The following MRPL46 variants were observed in gnomAD, a reference collection of about 807,000 sequenced individuals.
MRPL46 encodes mitochondrial ribosomal protein L46.
Under a neutral mutation model 31.0 loss-of-function variants are expected in MRPL46, and 26 were observed. The observed-to-expected ratio is 0.84, with a 90% CI of 0.61 to 1.16. The LOEUF is 1.16. Ranked by LOEUF, MRPL46 falls within the 50% of genes most tolerant of loss-of-function variation. The pLI is 0.00. For missense variants in MRPL46, 395 were observed against 340.0 expected (o/e 1.16, Z -1.27); for synonymous variants, 159 against 141.3 (o/e 1.13, Z -0.89).
chr15:88,461,643 G>A (rs2142195866), intron 3 of MRPL46: 1 of 152,302 alleles, frequency 6.6e-6, no homozygotes, highest in Middle Eastern at 3.4e-3. Flanking sequence ...TTTTGGAGGG[G>A]TTATAAATTA....
chr15:88,465,591 T>C lies in MRPL46; in HGVS notation c.411A>G (p.Ile137Met). 6.2e-7 allele frequency: 1 copy of C among 1,602,950 alleles called. No homozygotes were observed. The highest frequency in any genetic ancestry group is 8.5e-7 in the Non-Finnish European group (1 of 1,176,002). ...CTGGCCTAAAAGGATCACAACCTGT[T>C]ATGCGAGCTCCAAGTTTGAACTGTA... Reference protein sequence around the residue: ...KFLQFKLGARITEADEKNDRT... With the variant: ...KFLQFKLGARMTEADEKNDRT... Residue 137 changes from isoleucine to methionine, a missense_variant, in exon 2 of 4, where the codon ATA becomes ATG. By Grantham distance (10) the Ile-to-Met change is conservative (BLOSUM62 1). Coordinates refer to ENST00000312475, the MANE Select transcript of MRPL46 (RefSeq NM_022163.4).
rs556948002 is a variant in MRPL46, at chr15:88,459,510, G to C, written c.*103C>G. 1.4e-4 allele frequency: 213 copies of C among 1,518,154 alleles called. No homozygotes were observed. In the African/African-American group the frequency reaches 2.6e-3, roughly 18 times the overall value. The allele number at this position is 1,518,154 out of a possible 1,614,324, so 94.0% of individuals were successfully genotyped here. A position where few individuals can be genotyped will look rare whatever the true frequency, so the allele number is the denominator to read the frequency against. On this transcript the variant is annotated 3_prime_UTR_variant, in exon 4 of 4. Transcript: ENST00000312475. ...AGACTCGTTTATTTCTCAGAATTTA[G>C]TTTGCTGCTTGATATTACCTGCAAA...
chr15:88,463,132 A>T lies in MRPL46; in HGVS notation c.589+1571T>A, dbSNP rs2055492220. ...TGATGGCTGAGGAGACTGAGAAAGC[A>T]GCAACCTCCTCTCCTACCATATTCC... On this transcript the variant is annotated intron_variant, in intron 3 of 3. Coordinates refer to ENST00000312475, the MANE Select transcript of MRPL46 (RefSeq NM_022163.4). The surrounding 1 kb of genome is among the most constrained non-coding windows in gnomAD (Gnocchi z 5.4). The T allele has an allele frequency of 6.6e-6, 1 of 152,272 alleles. No individual in the cohort carries two copies. The highest frequency in any genetic ancestry group is 2.4e-5 in the African/African-American group (1 of 41,470). 9.4% of individuals were successfully genotyped at this position (152,272 alleles called of 1,614,324 possible). A position where few individuals can be genotyped will look rare whatever the true frequency, so the allele number is the denominator to read the frequency against.
chr15:88,460,322 T>C (rs551054391), intron 3 of MRPL46: 45 of 166,600 alleles, frequency 2.7e-4, no homozygotes, highest in Non-Finnish European at 4.9e-4. Context: ...TATCTGCTGG[T>C]GAAGGACGAG....
Position 88,463,322 on chromosome 15 carries a change from C to T in MRPL46, c.589+1381G>A, listed in dbSNP as rs1467403437. On this transcript the variant is annotated intron_variant, in intron 3 of 3. Coordinates refer to ENST00000312475, the MANE Select transcript of MRPL46 (RefSeq NM_022163.4). The surrounding 1 kb of genome is among the most constrained non-coding windows in gnomAD (Gnocchi z 5.4). ...CATTTAGTCAACATTCAACAAATGC[C>T]TATGTGCCAGGTACTTTGCTGAAAG... 2 of 152,222 alleles carry T rather than the reference C, an allele frequency of 1.3e-5. No individual in the cohort carries two copies. The highest frequency in any genetic ancestry group is 6.5e-5 in the Admixed American group (1 of 15,284). The allele number at this position is 152,222 out of a possible 1,614,324, so 9.4% of individuals were successfully genotyped here. A position where few individuals can be genotyped will look rare whatever the true frequency, so the allele number is the denominator to read the frequency against.
chr15:88,460,332 G>A (rs1217042082), intron 3 of MRPL46: 1 of 164,648 alleles, frequency 6.1e-6, no homozygotes. Context: ...TGAAGGACGA[G>A]GACATTTGGT....
At chr15:88,465,454 G>A in intron 2 of MRPL46, 133 bp downstream of exon 2, 1 of 988,316 alleles carries the variant, frequency 1.0e-6, no homozygotes, top group Non-Finnish European at 1.4e-6. Flanking sequence ...TATGGTAGAT[G>A]TGAGCAACAA....
At chr15:88,465,889 C>G in intron 1 of MRPL46, 116 bp from the exon 2 acceptor site, 1 of 928,240 alleles carries the variant, frequency 1.1e-6, no homozygotes, top group Non-Finnish European at 1.5e-6. Context: ...AAGTTTATCA[C>G]CCAACATAAC....
intron 2 of MRPL46, 162 bp downstream of exon 2, chr15:88,465,425 C>T: frequency 1.4e-6 from 1 of 730,008 alleles, no homozygotes; most frequent in Non-Finnish European, 2.0e-6. Flanking sequence ...GAAAATAAGA[C>T]AGACTTTTTA....
In MRPL46 at chr15:88,459,823, AC is replaced by A; in HGVS notation, c.629del (p.Cys210LeufsTer30). On this transcript the variant is annotated frameshift_variant, in exon 4 of 4. Coordinates refer to ENST00000312475, the MANE Select transcript of MRPL46 (RefSeq NM_022163.4). LOFTEE classifies it high-confidence loss of function. ...GGGGGAACTTGAATGTGTAGTGCCC[AC>A]AGGGTGCATTTCCTAGGAACTTGGC... ...MEAKFLGNAP[C>X]GHYTFKFPQA... 1.2e-6 allele frequency: 2 copies of A among 1,614,198 alleles called. No individual in the cohort carries two copies. The highest frequency in any genetic ancestry group is 1.7e-6 in the Non-Finnish European group (2 of 1,180,024).
In MRPL46 at chr15:88,467,131, C is replaced by T. The variant is rs370450358; in HGVS notation, c.228+19G>A. On this transcript the variant is annotated intron_variant, in intron 1 of 3. Transcript: ENST00000312475. ...CACGCAGAATAAACGTCACTCTGAA[C>T]CCTGCATCTCAGTCCCACCTGCTGC... is the stretch of plus-strand genomic sequence containing the variant. 1.9e-3 allele frequency: 3,052 copies of T among 1,609,890 alleles called. 4 individuals carry two copies. The highest frequency in any genetic ancestry group is 2.3e-3 in the Non-Finnish European group (2,740 of 1,176,526).
chr15:88,460,004 T>G, intron 3 of MRPL46, 141 bp from the exon 4 acceptor site: 1 of 1,081,090 alleles, frequency 9.2e-7, no homozygotes, highest in Non-Finnish European at 1.3e-6. Flanking sequence ...ACTAGAGCCA[T>G]TCCTGAAAAG....
chr15:88,465,330 G>T, intron 2 of MRPL46: 1 of 434,508 alleles, frequency 2.3e-6, no homozygotes, highest in Non-Finnish European at 4.0e-6. Flanking sequence ...CCCACTCTCA[G>T]TCTCAAACTT....
rs114017694 is a variant in MRPL46 at position 88,465,651 on chromosome 15, C to A, written c.351G>T (p.Ala117=). The change falls in exon 2 of 4, where the codon GCG becomes GCT. Residue 117 remains alanine, a synonymous_variant. Coordinates refer to ENST00000312475, the MANE Select transcript of MRPL46 (RefSeq NM_022163.4). The stretch of plus-strand genomic sequence containing the variant: ...GCTCCCACATATCTTCCAAATCTTG[C>A]GCCAGCAATATATCCTGTTCATCTT... ...DEEDEQDILL[A]QDLEDMWEQK... 6.8e-6 allele frequency: 11 copies of A among 1,613,032 alleles called. No homozygotes were observed. The East Asian group carries it at 8.9e-5, about 13-fold the overall frequency.
At chr15:88,460,000 G>T in intron 3 of MRPL46, 137 bp from the exon 4 acceptor site, 2 of 1,100,058 alleles carry the variant, frequency 1.8e-6, no homozygotes, top group Non-Finnish European at 2.5e-6. Flanking sequence ...TAGGACTAGA[G>T]CCATTCCTGA....
chr15:88,466,161 T>C (rs1419745397), intron 1 of MRPL46, among the ~76,000 whole-genome samples: 1 of 152,228 alleles, frequency 6.6e-6, no homozygotes, highest in African/African-American at 2.4e-5. Flanking sequence ...TAGAATGTTT[T>C]TCCTCACATT....
chr15:88,467,019 A>G lies in MRPL46; in HGVS notation c.228+131T>C, dbSNP rs8040153. On this transcript the variant is annotated intron_variant, in intron 1 of 3. Coordinates refer to ENST00000312475, the MANE Select transcript of MRPL46 (RefSeq NM_022163.4). ...ACCACTTTTTGTTGAACATCTATGT[A>G]CCAAACCAAGTCAGTAAGGTAGGTA... is the stretch of plus-strand genomic sequence containing the variant. The G allele has an allele frequency of 0.016, 17,238 of 1,055,578 alleles. 1,825 individuals are homozygous for G. In the African/African-American group the frequency reaches 0.23, roughly 14 times the overall value. 65.4% of individuals were successfully genotyped at this position (1,055,578 alleles called of 1,614,324 possible). A position where few individuals can be genotyped will look rare whatever the true frequency, so the allele number is the denominator to read the frequency against.
Position 88,459,761 on chromosome 15 carries a change from A to G in MRPL46, c.692T>C (p.Val231Ala), listed in dbSNP as rs1555422748. The G allele has an allele frequency of 6.2e-7, 1 of 1,614,114 alleles. No homozygotes were observed. The highest frequency in any genetic ancestry group is 2.2e-5 in the East Asian group (1 of 44,894). The part of the protein sequence containing the change: ...MRTESNLGAK[V>A]FFFKALLLTG... ...TAATAGCAGTGCTTTGAAGAAGAAC[A>G]CCTTGGCTCCGAGGTTACTCTCTGT... The change falls in exon 4 of 4, where the codon GTG (valine) becomes GCG (alanine). Residue 231 changes from valine to alanine, a missense_variant. Val to Ala is a moderately conservative substitution (Grantham distance 64). Coordinates refer to ENST00000312475, the MANE Select transcript of MRPL46 (RefSeq NM_022163.4).
In MRPL46 at chr15:88,463,232, A is replaced by G. The variant is rs777180332; in HGVS notation, c.589+1471T>C. ...TCAAGGGAACACACACTGGCTACCGACATTTCGTTAGCAGGTACTTGTGCT... is the reference window on the plus strand; with the variant it reads ...TCAAGGGAACACACACTGGCTACCGGCATTTCGTTAGCAGGTACTTGTGCT... On this transcript the variant is annotated intron_variant, in intron 3 of 3. Transcript: ENST00000312475. The surrounding 1 kb of genome is among the most constrained non-coding windows in gnomAD (Gnocchi z 5.4). 1.3e-5 allele frequency: 2 copies of G among 152,242 alleles called. No individual in the cohort carries two copies. The highest frequency in any genetic ancestry group is 2.9e-5 in the Non-Finnish European group (2 of 68,056). The allele number at this position is 152,242 out of a possible 1,614,324, so 9.4% of individuals were successfully genotyped here. A position where few individuals can be genotyped will look rare whatever the true frequency, so the allele number is the denominator to read the frequency against.
Sources: gnomAD v4.1 joint callset for allele counts (sites outside exome capture counted in the v4.1 genomes callset) on GRCh38, gnomAD v4.1.1 for gene constraint, Gnocchi (gnomAD v3.1) non-coding constraint, MANE v1.5 for transcripts, NCBI Gene and HGNC (gene_info 2026-07-23, HGNC 2026-07-21) for gene names.